Variants in MTERF4 observed in about 807,000 individuals in gnomAD.
The protein encoded by MTERF4 is transcription termination factor 4, mitochondrial.
Under a neutral mutation model 22.5 loss-of-function variants are expected in MTERF4, and 17 were observed. The observed-to-expected ratio is 0.75, with a 90% CI of 0.52 to 1.13. MTERF4 has a LOEUF of 1.13. MTERF4 is among the 50% of genes most tolerant of loss of function. MTERF4 has a pLI of 0.00. For synonymous variants in MTERF4, 165 were observed against 175.3 expected, an observed-to-expected ratio of 0.94 and a Z score of 0.47; for missense variants, 420 against 466.8, an observed-to-expected ratio of 0.90 and a Z score of 0.92.
In MTERF4 at chr2:241,072,452, C is replaced by T. The variant is rs372719967; in HGVS notation, n.3710G>A. 1.9e-4 allele frequency: 66 copies of T among 355,948 alleles called. 1 individual carries two copies. Among genetic ancestry groups the T allele is most frequent in the African/African-American group, 1.3e-3 (60 of 46,768 alleles). 22.0% of individuals were successfully genotyped at this position (355,948 alleles called of 1,614,324 possible). A position where few individuals can be genotyped will look rare whatever the true frequency, so the allele number is the denominator to read the frequency against. On this transcript the variant is annotated non_coding_transcript_exon_variant, in exon 5 of 5. Coordinates refer to the MTERF4 transcript ENST00000464344. ...TTGGCAGGAGTGAGGCAGGCGCGAC[C>T]CTGCCCCAGAGGGGACCTCTCTGGC...
the MTERF4 span, chr2:241,065,103 G>T: frequency 1.2e-6 from 1 of 818,574 alleles, no homozygotes; most frequent in South Asian, 1.8e-5. Flanking sequence ...AAATCCCCCG[G>T]TGGGCTTGAA....
the MTERF4 span, among the ~76,000 whole-genome samples, chr2:241,061,854 CAA>C: frequency 7.6e-5 from 9 of 118,050 alleles, no homozygotes; most frequent in Admixed American, 8.8e-5. Context: ...TCCATCCCCC[CAA>C]AAAAAAAAAA....
At chr2:241,048,288 C>T in the MTERF4 span, 22 of 1,572,380 alleles carry the variant, frequency 1.4e-5, no homozygotes, top group Non-Finnish European at 1.9e-5. Flanking sequence ...CCTGCGTGGC[C>T]GCTGGTGACT....
chr2:241,061,405 G>A, the MTERF4 span, among the ~76,000 whole-genome samples: 1 of 152,278 alleles, frequency 6.6e-6, no homozygotes, highest in Admixed American at 6.5e-5. Context: ...TGCATTGCTG[G>A]CAAGAGTATA....
the MTERF4 span, among the ~76,000 whole-genome samples, chr2:241,062,516 G>A: frequency 5.3e-5 from 8 of 152,136 alleles, no homozygotes; most frequent in South Asian, 2.1e-4. Context: ...TTGTCCTGTC[G>A]GCCTGAACCA....
At chr2:241,101,701 G>A (rs1405267236) in intron 1 of MTERF4, among the ~76,000 whole-genome samples, 2 of 152,234 alleles carry the variant, frequency 1.3e-5, no homozygotes, top group Admixed American at 1.3e-4. Context: ...TGCTGATTCC[G>A]CTTCCTCTTA....
chr2:241,068,569 A>C (rs1191812869), downstream of MTERF4, among the ~76,000 whole-genome samples: 2 of 152,026 alleles, frequency 1.3e-5, no homozygotes, highest in East Asian at 3.9e-4. This position sits in a 1 kb window ranked among gnomAD's most constrained non-coding sequence, Gnocchi z 5.3. Flanking sequence ...GAGAATTTAC[A>C]TCAACTCACC....
chr2:241,061,707 A>T, the MTERF4 span, among the ~76,000 whole-genome samples: 1 of 152,120 alleles, frequency 6.6e-6, no homozygotes, highest in African/African-American at 2.4e-5. Context: ...CAACATAGTG[A>T]AACCCCATCT....
chr2:241,045,328 AAG>A, the MTERF4 span, among the ~76,000 whole-genome samples: 3 of 152,234 alleles, frequency 2.0e-5, no homozygotes, highest in Admixed American at 6.5e-5. Flanking sequence ...TGGCAAGAAA[AAG>A]AATTTAGAAA....
In MTERF4 at chr2:241,075,575, T is replaced by A. The variant is rs1391830649; in HGVS notation, n.587A>T. ...GGTTATTTGTACTCTTTTTATTCAT[T>A]TGTCAAAATTCTTATATGTTTTGAT... is the stretch of plus-strand genomic sequence containing the variant. On this transcript the variant is annotated non_coding_transcript_exon_variant, in exon 5 of 5. Coordinates refer to the MTERF4 transcript ENST00000464344. This position sits in a 1 kb window ranked among gnomAD's most constrained non-coding sequence, Gnocchi z 4.8. 1 of 152,168 alleles carries A rather than the reference T, an allele frequency of 6.6e-6. No homozygotes were observed. The highest frequency in any genetic ancestry group is 6.5e-5 in the Admixed American group (1 of 15,282). 9.4% of individuals were successfully genotyped at this position (152,168 alleles called of 1,614,324 possible). A position where few individuals can be genotyped will look rare whatever the true frequency, so the allele number is the denominator to read the frequency against.
chr2:241,096,082 ATCC>A lies in MTERF4; in HGVS notation c.1059_1061del (p.Glu353del). The A allele has an allele frequency of 2.5e-6, 4 of 1,611,798 alleles. No individual in the cohort carries two copies. Among genetic ancestry groups the A allele is most frequent in the South Asian group, 1.1e-5 (1 of 90,616 alleles). On this transcript the variant is annotated inframe_deletion, in exon 4 of 4. Transcript: ENST00000391980. The surrounding 1 kb of genome is among the most constrained non-coding windows in gnomAD (Gnocchi z 5.1). ...CATCATCGTCATCCTCATCATTGTC[ATCC>A]TCATCATTGTCCTCCTCATCATCGT...
At chr2:241,077,385 A>G (rs1404613260) in intron 4 of MTERF4, among the ~76,000 whole-genome samples, 2 of 152,188 alleles carry the variant, frequency 1.3e-5, no homozygotes, top group African/African-American at 4.8e-5. Context: ...CTCAACAATA[A>G]AAGTATGAGC....
chr2:241,065,318 C>T, the MTERF4 span: 14 of 1,612,784 alleles, frequency 8.7e-6, no homozygotes, highest in Non-Finnish European at 9.3e-6. Flanking sequence ...CACCGACGGC[C>T]CTCAAGATGG....
chr2:241,064,971 G>T, the MTERF4 span: 1 of 1,555,174 alleles, frequency 6.4e-7, no homozygotes, highest in Non-Finnish European at 8.7e-7. This position sits in a 1 kb window ranked among gnomAD's most constrained non-coding sequence, Gnocchi z 7.0. Flanking sequence ...GGTGGCGAGG[G>T]CGCCTCCAGT....
chr2:241,073,112 T>G lies in MTERF4; in HGVS notation n.3050A>C. The stretch of plus-strand genomic sequence containing the variant: ...GCCAGCCCTTCAGGGGAGGCAGCTC[T>G]GGGGCCGACAGGTGCTGGGGCCACG... On this transcript the variant is annotated non_coding_transcript_exon_variant, in exon 5 of 5. Transcript: ENST00000464344. The surrounding 1 kb of genome is among the most constrained non-coding windows in gnomAD (Gnocchi z 6.6). 1.7e-6 allele frequency: 1 copy of G among 604,968 alleles called. No individual in the cohort carries two copies. Among genetic ancestry groups the G allele is most frequent in the African/African-American group, 1.9e-5 (1 of 54,034 alleles). The allele number at this position is 604,968 out of a possible 1,614,324, so 37.5% of individuals were successfully genotyped here. A position where few individuals can be genotyped will look rare whatever the true frequency, so the allele number is the denominator to read the frequency against.
At chr2:241,063,825 C>T in the MTERF4 span, 111 of 708,854 alleles carry the variant, frequency 1.6e-4, no homozygotes, top group Non-Finnish European at 2.2e-4. Flanking sequence ...CCCAGGGCTG[C>T]GGCCACCTTG....
chr2:241,063,410 A>G, the MTERF4 span: 1 of 619,122 alleles, frequency 1.6e-6, no homozygotes, highest in Non-Finnish European at 3.0e-6. Context: ...TGGAGGTGGC[A>G]CGCCTCCCGA....
At chr2:241,085,928 G>A (rs2063553975), downstream of MTERF4, among the ~76,000 whole-genome samples, 1 of 147,154 alleles carries the variant, frequency 6.8e-6, no homozygotes, top group African/African-American at 2.5e-5. Context: ...GTGCAGTGGA[G>A]CGATCTCAGC....
At position 241,096,546 on chromosome 2, in the gene MTERF4, C is replaced by T; in HGVS notation, c.706-108G>A. On this transcript the variant is annotated intron_variant, in intron 3 of 3. Transcript: ENST00000391980. The surrounding 1 kb of genome is among the most constrained non-coding windows in gnomAD (Gnocchi z 5.1). ...TACAAAAGGATTCAAAAAGAATTGC[C>T]TAATTGACAACAGCGAATACCCAGT... The T allele has an allele frequency of 8.0e-7, 1 of 1,250,900 alleles. No homozygotes were observed. Among genetic ancestry groups the T allele is most frequent in the Non-Finnish European group, 1.2e-6 (1 of 856,016 alleles). 77.5% of individuals were successfully genotyped at this position (1,250,900 alleles called of 1,614,324 possible).
Sources: allele counts gnomAD v4.1 joint callset (sites outside exome capture counted in the v4.1 genomes callset), GRCh38; gene constraint gnomAD v4.1.1; non-coding constraint Gnocchi (gnomAD v3.1); transcripts MANE v1.5; gene names NCBI Gene and HGNC (gene_info 2026-07-23, HGNC 2026-07-21).